Variants in LANCL2 observed in about 807,000 individuals in gnomAD.
LANCL2 encodes the protein LanC like glutathione S-transferase 2, also known as lanC-like protein 2.
In LANCL2, 33 loss-of-function variants were observed where a neutral mutation model predicts 56.9. The ratio of observed to expected loss-of-function variants is 0.58; its 90% CI spans 0.44 to 0.78. The LOEUF (loss-of-function observed/expected upper bound fraction) is 0.78. Ranked by LOEUF, LANCL2 falls within the 30% of genes least tolerant of loss-of-function variation. The pLI, the probability that LANCL2 is intolerant of heterozygous loss-of-function variation, is 0.00. For synonymous variants in LANCL2, 233 were observed against 228.2 expected (o/e 1.02, Z -0.19); for missense variants, 562 against 580.2 (o/e 0.97, Z 0.32).
rs776374472 is a variant in LANCL2, at chr7:55,366,203, G to A, written c.178G>A (p.Gly60Ser). 375 of 1,541,254 alleles carry A rather than the reference G, an allele frequency of 2.4e-4. No homozygotes were observed. The highest frequency in any genetic ancestry group is 3.1e-4 in the Non-Finnish European group (350 of 1,140,364). The stretch of plus-strand genomic sequence containing the variant: ...TCCCCCGGCGACCACGGATGAGCCC[G>A]GCCTCCCTTTTCATCAGGACGGGAA... ...VRPPATTDEP[G>S]LPFHQDGKII... Residue 60 changes from glycine to serine, a missense_variant, in exon 1 of 9, where the codon GGC becomes AGC. Transcript: ENST00000254770.
intron 5 of LANCL2, among the ~76,000 whole-genome samples, chr7:55,407,562 A>G (rs1790423780): frequency 6.6e-6 from 1 of 152,190 alleles, no homozygotes; most frequent in African/African-American, 2.4e-5. Context: ...TTTTTGAATG[A>G]GATTTACATT....
intron 1 of LANCL2, among the ~76,000 whole-genome samples, chr7:55,388,364 G>A (rs1182533886): frequency 2.0e-5 from 3 of 152,120 alleles, no homozygotes; most frequent in African/African-American, 7.2e-5. Flanking sequence ...TGGCCAACAG[G>A]GTAAAACTCT....
chr7:55,408,960 C>T (rs1387778651), intron 5 of LANCL2, among the ~76,000 whole-genome samples: 6 of 133,050 alleles, frequency 4.5e-5, no homozygotes, highest in Admixed American at 3.3e-4. Flanking sequence ...CCAGCCTGGG[C>T]GACAGTGAAA....
intron 1 of LANCL2, among the ~76,000 whole-genome samples, chr7:55,378,492 A>G (rs1440603929): frequency 6.6e-6 from 1 of 150,748 alleles, no homozygotes; most frequent in African/African-American, 2.5e-5. Flanking sequence ...GTGCGTATAT[A>G]TATGTACATG....
At chr7:55,377,697 TAC>T (rs1790018677) in intron 1 of LANCL2, among the ~76,000 whole-genome samples, 2 of 152,226 alleles carry the variant, frequency 1.3e-5, no homozygotes, top group Admixed American at 6.5e-5. Flanking sequence ...TGCTTTATAA[TAC>T]ACTTGGGCAT....
intron 1 of LANCL2, among the ~76,000 whole-genome samples, chr7:55,374,769 GGTTT>G (rs1789982511): frequency 1.3e-5 from 2 of 152,092 alleles, no homozygotes; most frequent in Admixed American, 1.3e-4. Context: ...TCAGCAGAAG[GGTTT>G]GTTAAAATCT....
At position 55,402,512 on chromosome 7, in the gene LANCL2, GC is replaced by G. The variant is rs1305422068; in HGVS notation, c.825+1198del. 2.1e-5 allele frequency among the ~76,000 whole-genome samples: 3 copies of G among 142,272 alleles called. No homozygotes were observed. In the South Asian group the frequency reaches 6.6e-4, roughly 31 times the overall value. 93.3% of individuals were successfully genotyped at this position (142,272 alleles called of 152,430 possible). A position where few individuals can be genotyped will look rare whatever the true frequency, so the allele number is the denominator to read the frequency against. Reference sequence around the variant, plus strand: ...CCAGTAGGGGCGGCCGGGCAGAGGCGCCCCCCACCTCCCGGATGGGGCGGCT... The same window carrying G: ...CCAGTAGGGGCGGCCGGGCAGAGGCGCCCCCACCTCCCGGATGGGGCGGCT... On this transcript the variant is annotated intron_variant, in intron 5 of 8. Coordinates refer to ENST00000254770, the MANE Select transcript of LANCL2 (RefSeq NM_018697.4).
rs909242715 is a variant in LANCL2 at position 55,371,635 on chromosome 7, T to G, written c.204+5406T>G. Reference sequence around the variant, plus strand: ...GCCGGTGTCCAGGAGCTTTTCCCCATGTTCTCTTGTAGGAGTTTTATAGTT... The same window carrying G: ...GCCGGTGTCCAGGAGCTTTTCCCCAGGTTCTCTTGTAGGAGTTTTATAGTT... On this transcript the variant is annotated intron_variant, in intron 1 of 8. Coordinates refer to ENST00000254770, the MANE Select transcript of LANCL2 (RefSeq NM_018697.4). Among the ~76,000 whole-genome samples the G allele has an allele frequency of 3.3e-5, 5 of 152,174 alleles. 1 individual carries two copies. The East Asian group carries it at 9.6e-4, about 29-fold the overall frequency.
At chr7:55,422,657 T>G (rs1167989647) in intron 6 of LANCL2, among the ~76,000 whole-genome samples, 2 of 152,240 alleles carry the variant, frequency 1.3e-5, no homozygotes, top group East Asian at 3.8e-4. Flanking sequence ...TCCCTGGTTT[T>G]GTATTCATTC....
At chr7:55,413,693 G>A (rs1399929937) in intron 6 of LANCL2, among the ~76,000 whole-genome samples, 2 of 152,238 alleles carry the variant, frequency 1.3e-5, no homozygotes, top group Admixed American at 6.5e-5. Context: ...CAGGGCTTCT[G>A]CATAGAATAC....
chr7:55,428,834 ATAAT>A (rs1270026954), intron 8 of LANCL2, among the ~76,000 whole-genome samples: 5 of 152,240 alleles, frequency 3.3e-5, no homozygotes, highest in African/African-American at 7.2e-5. Context: ...AGAAGTATGA[ATAAT>A]TAATATTAGC....
chr7:55,426,027 G>A (rs762253685), intron 7 of LANCL2, among the ~76,000 whole-genome samples: 72 of 152,104 alleles, frequency 4.7e-4, no homozygotes, highest in Non-Finnish European at 1.0e-4. Flanking sequence ...TCTTGTTTCC[G>A]CTGGACCTGT....
intron 1 of LANCL2, among the ~76,000 whole-genome samples, chr7:55,369,018 G>A (rs1027255515): frequency 5.9e-5 from 9 of 152,110 alleles, no homozygotes; most frequent in Non-Finnish European, 1.0e-4. Context: ...AAGAGACATA[G>A]GGAGAAAGAA....
intron 1 of LANCL2, among the ~76,000 whole-genome samples, chr7:55,376,863 T>G (rs1790009093): frequency 6.6e-6 from 1 of 152,244 alleles, no homozygotes; most frequent in African/African-American, 2.4e-5. Flanking sequence ...AAAGCATTAT[T>G]TGTTTTTCAA....
chr7:55,406,986 G>A (rs988134868), intron 5 of LANCL2, among the ~76,000 whole-genome samples: 1 of 152,160 alleles, frequency 6.6e-6, no homozygotes, highest in Non-Finnish European at 1.5e-5. Context: ...CAGAACCCCA[G>A]AACTCAGGAG....
Position 55,433,516 on chromosome 7 carries a change from A to G in LANCL2, c.*2196A>G, listed in dbSNP as rs1297626820. 6.6e-6 allele frequency: 1 copy of G among 152,270 alleles called. No individual in the cohort carries two copies. Among genetic ancestry groups the G allele is most frequent in the African/African-American group, 2.4e-5 (1 of 41,478 alleles). 9.4% of individuals were successfully genotyped at this position (152,270 alleles called of 1,614,324 possible). A position where few individuals can be genotyped will look rare whatever the true frequency, so the allele number is the denominator to read the frequency against. On this transcript the variant is annotated 3_prime_UTR_variant, in exon 9 of 9. Transcript: ENST00000254770. ...TTACTTCACAGGACAGAGGATTGAC[A>G]GAAGTCAGTTTAAGATAAGTGTTTG... is the stretch of plus-strand genomic sequence containing the variant.
intron 5 of LANCL2, among the ~76,000 whole-genome samples, chr7:55,408,092 C>A (rs1562866143): frequency 6.6e-6 from 1 of 152,120 alleles, no homozygotes; most frequent in Non-Finnish European, 1.5e-5. Flanking sequence ...TAATTAATAT[C>A]CTCAGGGAAA....
In LANCL2 at chr7:55,373,252, G is replaced by A. The variant is rs185314254; in HGVS notation, c.204+7023G>A. ...GGAATTTTTTCTTGAACATACTTGAGTTATTATTTTTTAATTTTTTAAATA... is the reference window on the plus strand; with the variant it reads ...GGAATTTTTTCTTGAACATACTTGAATTATTATTTTTTAATTTTTTAAATA... On this transcript the variant is annotated intron_variant, in intron 1 of 8. Transcript: ENST00000254770. Among the ~76,000 whole-genome samples the A allele has an allele frequency of 5.8e-3, 870 of 150,892 alleles. 10 individuals are homozygous for A. Among genetic ancestry groups the A allele is most frequent in the Middle Eastern group, 0.031 (9 of 294 alleles).
Position 55,431,301 on chromosome 7 carries a change from A to G in LANCL2, c.1334A>G (p.Asp445Gly). ...TCACGGTTTCCAGCATTTGAACTTG[A>G]CTCTTCGAAGAGGGATTAAAAGGTG... The part of the protein sequence containing the change: ...ETSRFPAFEL[D>G]SSKRD The change falls in exon 9 of 9, where the codon GAC becomes GGC. Residue 445 changes from aspartate (D) to glycine (G), a missense_variant. Transcript: ENST00000254770. 1.2e-6 allele frequency: 2 copies of G among 1,613,522 alleles called. No individual in the cohort carries two copies. Among genetic ancestry groups the G allele is most frequent in the Non-Finnish European group, 1.7e-6 (2 of 1,179,760 alleles).
Sources: allele counts gnomAD v4.1 joint callset (sites outside exome capture counted in the v4.1 genomes callset), GRCh38; gene constraint gnomAD v4.1.1; transcripts MANE v1.5; gene names NCBI Gene and HGNC (gene_info 2026-07-23, HGNC 2026-07-21).